Variants in LRFN2 observed in about 807,000 individuals in gnomAD.
LRFN2 encodes the protein leucine rich repeat and fibronectin type III domain containing 2.
Under a neutral mutation model 37.3 loss-of-function variants are expected in LRFN2, and 18 were observed. That is an observed-to-expected ratio of 0.48 (90% CI 0.33 to 0.72). The LOEUF (loss-of-function observed/expected upper bound fraction) is 0.72, where lower values mean the gene tolerates loss of function less well. Among genes scored for constraint, LRFN2 ranks in the 30% least tolerant of loss-of-function variants. The probability of loss-of-function intolerance (pLI) is 0.02; values close to 1 mark genes in which losing one functional copy is unlikely to be tolerated. For synonymous variants in LRFN2, 556 were observed against 466.6 expected, an observed-to-expected ratio of 1.19 and a Z score of -2.47; for missense variants, 1,006 against 1,060.7, an observed-to-expected ratio of 0.95 and a Z score of 0.72.
chr6:40,471,626 A>C (rs1216723592), intron 1 of LRFN2, among the ~76,000 whole-genome samples: 1 of 152,182 alleles, frequency 6.6e-6, no homozygotes, highest in South Asian at 2.1e-4. Flanking sequence ...GAAGGATGAC[A>C]ATGGCAGTGC....
At chr6:40,467,325 C>T (rs1350881107) in intron 1 of LRFN2, among the ~76,000 whole-genome samples, 2 of 152,058 alleles carry the variant, frequency 1.3e-5, no homozygotes, top group African/African-American at 4.8e-5. Context: ...TCTCCAGATC[C>T]TGTCTGGGGC....
In LRFN2 at chr6:40,433,056, C is replaced by T. The variant is rs149939756; in HGVS notation, c.58G>A (p.Ala20Thr). Reference sequence around the variant, plus strand: ...TGGCAGACACAGTACTTGGGGCAGGCGTCGACCACGGCAAACGCCATGCCA... The same window carrying T: ...TGGCAGACACAGTACTTGGGGCAGGTGTCGACCACGGCAAACGCCATGCCA... ...AFGMAFAVVDACPKYCVCQNL... is the reference protein window; with the variant it reads ...AFGMAFAVVDTCPKYCVCQNL... The change falls in exon 2 of 3, where the codon GCC (alanine) becomes ACC (threonine). Residue 20 changes from alanine (A) to threonine (T), a missense_variant. Ala to Thr is a moderately conservative substitution (Grantham distance 58, BLOSUM62 0). Coordinates refer to ENST00000338305, the MANE Select transcript of LRFN2 (RefSeq NM_020737.3). 1.0e-5 allele frequency: 16 copies of T among 1,555,500 alleles called. No individual in the cohort carries two copies. The highest frequency in any genetic ancestry group is 6.8e-5 in the East Asian group (3 of 44,368).
At chr6:40,471,248 G>A (rs923455975) in intron 1 of LRFN2, among the ~76,000 whole-genome samples, 1 of 152,126 alleles carries the variant, frequency 6.6e-6, no homozygotes, top group Non-Finnish European at 1.5e-5. Flanking sequence ...GTACAGGAAG[G>A]CAACTTTAGG....
chr6:40,578,468 T>A (rs1175512504), intron 1 of LRFN2, among the ~76,000 whole-genome samples: 2 of 152,198 alleles, frequency 1.3e-5, no homozygotes, highest in Non-Finnish European at 2.9e-5. Context: ...TTCCCCTTTA[T>A]GCAAAGTGGT....
intron 1 of LRFN2, among the ~76,000 whole-genome samples, chr6:40,437,003 T>A (rs1258430652): frequency 6.6e-6 from 1 of 152,086 alleles, no homozygotes. Context: ...TGAGTGTGTG[T>A]GTGTGTGTAT....
At chr6:40,486,049 G>A (rs374338231) in intron 1 of LRFN2, among the ~76,000 whole-genome samples, 65 of 152,212 alleles carry the variant, frequency 4.3e-4, no homozygotes, top group African/African-American at 1.6e-3. Flanking sequence ...CCCTCCTGCG[G>A]GGCGAGGGTG....
intron 2 of LRFN2, among the ~76,000 whole-genome samples, chr6:40,399,596 C>A (rs1762695263): frequency 1.3e-5 from 2 of 151,366 alleles, no homozygotes; most frequent in Admixed American, 6.6e-5. Context: ...CGCCACCAAG[C>A]CTGGCTAATT....
chr6:40,545,809 C>A lies in LRFN2; in HGVS notation c.-19+41132G>T, dbSNP rs571541688. Among the ~76,000 whole-genome samples the A allele has an allele frequency of 3.9e-5, 6 of 152,210 alleles. No homozygotes were observed. The East Asian group carries it at 9.7e-4, about 24-fold the overall frequency. ...CATGAGATGAAAAGGTCAACCACGGCCCCTCTAAAGAAGGCTGCCAACATC... is the reference window on the plus strand; with the variant it reads ...CATGAGATGAAAAGGTCAACCACGGACCCTCTAAAGAAGGCTGCCAACATC... On this transcript the variant is annotated intron_variant, in intron 1 of 2. Transcript: ENST00000338305.
chr6:40,456,587 C>A (rs1376403495), intron 1 of LRFN2, among the ~76,000 whole-genome samples: 1 of 152,150 alleles, frequency 6.6e-6, no homozygotes, highest in Admixed American at 6.5e-5. Flanking sequence ...GTTTGCACAG[C>A]CCTTTAAAGT....
intron 1 of LRFN2, among the ~76,000 whole-genome samples, chr6:40,571,363 C>T (rs1481689270): frequency 2.6e-5 from 4 of 152,148 alleles, no homozygotes; most frequent in Admixed American, 2.0e-4. Flanking sequence ...ACTTCACAGA[C>T]CTTGGCCAGA....
At chr6:40,410,409 G>A (rs566079699) in intron 2 of LRFN2, among the ~76,000 whole-genome samples, 45 of 152,260 alleles carry the variant, frequency 3.0e-4, no homozygotes, top group African/African-American at 8.2e-4. Flanking sequence ...CCCTGACCCC[G>A]AAAGCACACA....
chr6:40,461,636 GA>G (rs2113850291), intron 1 of LRFN2, among the ~76,000 whole-genome samples: 1 of 151,076 alleles, frequency 6.6e-6, no homozygotes, highest in African/African-American at 2.4e-5. Context: ...ATAGTTTGGG[GA>G]GACAGAATAC....
chr6:40,501,793 G>T (rs1765388261), intron 1 of LRFN2: 1 of 152,182 alleles, frequency 6.6e-6, no homozygotes, highest in African/African-American at 2.4e-5. Flanking sequence ...AGACACTCTT[G>T]TGAGCATGGC....
intron 1 of LRFN2, among the ~76,000 whole-genome samples, chr6:40,464,105 T>C (rs1347090164): frequency 6.6e-6 from 1 of 152,214 alleles, no homozygotes; most frequent in Non-Finnish European, 1.5e-5. Context: ...AGCTCAGGTC[T>C]CTATCACTAC....
intron 1 of LRFN2, among the ~76,000 whole-genome samples, chr6:40,565,975 C>A (rs1767082280): frequency 6.6e-6 from 1 of 152,030 alleles, no homozygotes; most frequent in Non-Finnish European, 1.5e-5. Context: ...AAAATTTTTG[C>A]AACCTACTTA....
intron 1 of LRFN2, among the ~76,000 whole-genome samples, chr6:40,479,056 C>T (rs1055381630): frequency 9.2e-5 from 14 of 152,236 alleles, no homozygotes; most frequent in African/African-American, 2.9e-4. Context: ...AGTTCCCACA[C>T]ATAACCAGAT....
chr6:40,448,439 T>C (rs1764025360), intron 1 of LRFN2, among the ~76,000 whole-genome samples: 1 of 152,080 alleles, frequency 6.6e-6, no homozygotes, highest in Non-Finnish European at 1.5e-5. Context: ...GTAATAATGA[T>C]ACCCCATGAA....
At chr6:40,491,259 C>T (rs953386476) in intron 1 of LRFN2, among the ~76,000 whole-genome samples, 2 of 152,214 alleles carry the variant, frequency 1.3e-5, no homozygotes, top group Non-Finnish European at 2.9e-5. Context: ...TTTCCTCTTT[C>T]CTTGGGACCC....
chr6:40,583,445 C>G (rs946787108), intron 1 of LRFN2, among the ~76,000 whole-genome samples: 1 of 152,138 alleles, frequency 6.6e-6, no homozygotes, highest in Non-Finnish European at 1.5e-5. Context: ...ACCTGCCTGG[C>G]CTGTAATCAC....
Sources: allele counts gnomAD v4.1 joint callset (sites outside exome capture counted in the v4.1 genomes callset), GRCh38; gene constraint gnomAD v4.1.1; transcripts MANE v1.5; gene names NCBI Gene and HGNC (gene_info 2026-07-23, HGNC 2026-07-21).